The following KDM2A variants were observed in gnomAD, a reference collection of about 807,000 sequenced individuals.
The protein encoded by KDM2A is lysine-specific demethylase 2A.
Under a neutral mutation model 137.3 loss-of-function variants are expected in KDM2A, and 3 were observed. The ratio of observed to expected loss-of-function variants is 0.02; its 90% CI spans 0.01 to 0.06. The LOEUF (loss-of-function observed/expected upper bound fraction) is 0.06, where lower values mean the gene tolerates loss of function less well. Ranked by LOEUF, KDM2A falls within the 10% of genes least tolerant of loss-of-function variation. The pLI is 1.00. For missense variants in KDM2A, 738 were observed against 1,510.6 expected, an observed-to-expected ratio of 0.49 and a Z score of 8.48; for synonymous variants, 512 against 541.5, an observed-to-expected ratio of 0.95 and a Z score of 0.76.
chr11:67,121,471 C>A, intron 2 of KDM2A, 113 bp downstream of exon 2: 1 of 997,044 alleles, frequency 1.0e-6, no homozygotes, highest in Non-Finnish European at 1.6e-6. Context: ...GGTGACTTTT[C>A]TGTGCACCAG....
At chr11:67,214,810 G>A (rs1858110616) in intron 6 of KDM2A, among the ~76,000 whole-genome samples, 1 of 152,162 alleles carries the variant, frequency 6.6e-6, no homozygotes, top group South Asian at 2.1e-4. Context: ...GCCTTATATA[G>A]TCTTGAAAAG....
chr11:67,241,157 A>T (rs1565420678), intron 12 of KDM2A, among the ~76,000 whole-genome samples: 1 of 152,128 alleles, frequency 6.6e-6, no homozygotes, highest in African/African-American at 2.4e-5. Context: ...GTCAGTGCGA[A>T]GTGGGGGAGG....
chr11:67,152,470 T>C (rs1380191476), intron 2 of KDM2A, among the ~76,000 whole-genome samples: 1 of 151,722 alleles, frequency 6.6e-6, no homozygotes, highest in Non-Finnish European at 1.5e-5. Flanking sequence ...TAGCTGGGCA[T>C]GGTGGTGCAC....
At chr11:67,240,003 C>G in intron 12 of KDM2A, 1 of 1,269,898 alleles carries the variant, frequency 7.9e-7, no homozygotes, top group East Asian at 3.0e-5. Context: ...GGCCCTCTGC[C>G]TGGCTCGCTC....
rs565901584 is a variant in KDM2A at position 67,171,289 on chromosome 11, A to G, written c.43-8790A>G. On this transcript the variant is annotated intron_variant, in intron 2 of 20. Transcript: ENST00000529006. ...CCCTCAGTGTTCCTAGTCAGGACAG[A>G]CGAGGCCGAGTCTGAAATTAGATAG... Among the ~76,000 whole-genome samples the G allele has an allele frequency of 3.3e-5, 5 of 152,342 alleles. No homozygotes were observed. In the East Asian group the frequency reaches 9.6e-4, roughly 29 times the overall value.
chr11:67,225,464 C>T (rs955662729), intron 10 of KDM2A, among the ~76,000 whole-genome samples: 3 of 151,344 alleles, frequency 2.0e-5, no homozygotes, highest in African/African-American at 7.3e-5. Context: ...GGTGAAACCC[C>T]GTCTCTACTA....
At chr11:67,201,227 T>TGTGTGC (rs1857615570) in intron 5 of KDM2A, among the ~76,000 whole-genome samples, 1 of 149,140 alleles carries the variant, frequency 6.7e-6, no homozygotes, top group Admixed American at 6.8e-5. Context: ...TATGTGTGTG[T>TGTGTGC]GTGTGTGTAT....
chr11:67,244,625 T>C (rs1859149660), intron 13 of KDM2A, among the ~76,000 whole-genome samples: 1 of 152,192 alleles, frequency 6.6e-6, no homozygotes, highest in Non-Finnish European at 1.5e-5. Context: ...GTCAAGATAG[T>C]AAATACTTTA....
At chr11:67,239,233 C>T (rs1443230669) in intron 12 of KDM2A, among the ~76,000 whole-genome samples, 1 of 152,082 alleles carries the variant, frequency 6.6e-6, no homozygotes, top group African/African-American at 2.4e-5. Flanking sequence ...TGTGTGTTCC[C>T]TGGCTTCCTG....
intron 2 of KDM2A, among the ~76,000 whole-genome samples, chr11:67,145,998 G>GTT (rs552846225): frequency 1.3e-3 from 164 of 122,266 alleles, no homozygotes; most frequent in African/African-American, 4.1e-3. Context: ...GTTTTTTTTT[G>GTT]TTTTTTTTTT....
chr11:67,238,921 C>T (rs1412535658), intron 12 of KDM2A, among the ~76,000 whole-genome samples: 2 of 152,212 alleles, frequency 1.3e-5, no homozygotes, highest in Non-Finnish European at 2.9e-5. Flanking sequence ...CCAGAGTGTG[C>T]ACCCTCCTTT....
chr11:67,246,547 A>T (rs1859213315), intron 15 of KDM2A, among the ~76,000 whole-genome samples: 1 of 152,112 alleles, frequency 6.6e-6, no homozygotes, highest in African/African-American at 2.4e-5. Context: ...AGTCTGTATC[A>T]GACTCAGTGC....
rs1203565705 is a variant in KDM2A at position 67,245,311 on chromosome 11, A to G, written c.1686A>G (p.Ser562=). The G allele has an allele frequency of 6.2e-7, 1 of 1,614,054 alleles. No individual in the cohort carries two copies. Among genetic ancestry groups the G allele is most frequent in the Non-Finnish European group, 8.5e-7 (1 of 1,179,892 alleles). Reference sequence around the variant, plus strand: ...CAGCTGCTGCCTCCCCGATTGTGTCAGGAGCCAGACGGAGACGAGTGCGAT... The same window carrying G: ...CAGCTGCTGCCTCCCCGATTGTGTCGGGAGCCAGACGGAGACGAGTGCGAT... ...VRPAAASPIV[S]GARRRRVRCR... is the part of the protein sequence containing the mutation. The change falls in exon 14 of 21, where the codon TCA becomes TCG. Residue 562 remains serine, a synonymous_variant. Transcript: ENST00000529006. The surrounding 1 kb of genome is among the most constrained non-coding windows in gnomAD (Gnocchi z 4.1).
chr11:67,168,608 C>CTTGTATGAATTATAAT, intron 2 of KDM2A, among the ~76,000 whole-genome samples: 1 of 103,308 alleles, frequency 9.7e-6, no homozygotes, highest in African/African-American at 7.8e-5. Context: ...CACACACACA[C>CTTGTATGAATTATAAT]ACACACACAC....
chr11:67,182,183 A>G (rs1857104802), intron 5 of KDM2A, among the ~76,000 whole-genome samples: 1 of 152,112 alleles, frequency 6.6e-6, no homozygotes, highest in Non-Finnish European at 1.5e-5. Flanking sequence ...GAAAACTTAC[A>G]TCTCTTAGCC....
At chr11:67,171,287 A>G (rs1257512896) in intron 2 of KDM2A, among the ~76,000 whole-genome samples, 1 of 152,228 alleles carries the variant, frequency 6.6e-6, no homozygotes, top group Non-Finnish European at 1.5e-5. Flanking sequence ...TAGTCAGGAC[A>G]GACGAGGCCG....
intron 5 of KDM2A, among the ~76,000 whole-genome samples, chr11:67,204,480 T>G (rs1857741857): frequency 1.3e-5 from 2 of 150,608 alleles, no homozygotes; most frequent in Non-Finnish European, 2.9e-5. Context: ...TTTGATACAG[T>G]GTGTTTTCTT....
intron 5 of KDM2A, among the ~76,000 whole-genome samples, chr11:67,204,746 C>T (rs916081587): frequency 1.2e-4 from 18 of 152,108 alleles, no homozygotes; most frequent in African/African-American, 3.6e-4. Flanking sequence ...CCACCTCGAC[C>T]TCCCAAAGTG....
chr11:67,230,333 C>G (rs1393073121), intron 11 of KDM2A, among the ~76,000 whole-genome samples: 1 of 152,254 alleles, frequency 6.6e-6, no homozygotes, highest in Non-Finnish European at 1.5e-5. Flanking sequence ...AAGTAACCAA[C>G]AAAACACATA....
Sources: allele counts gnomAD v4.1 joint callset (sites outside exome capture counted in the v4.1 genomes callset), GRCh38; gene constraint gnomAD v4.1.1; non-coding constraint Gnocchi (gnomAD v3.1); transcripts MANE v1.5; gene names NCBI Gene and HGNC (gene_info 2026-07-23, HGNC 2026-07-21).